The following KANK1 variants were observed in gnomAD, a reference collection of about 807,000 sequenced individuals.
KANK1 encodes KN motif and ankyrin repeat domains 1.
KANK1 carries 109 observed loss-of-function variants against 106.2 expected under a neutral mutation model. The observed-to-expected ratio is 1.03, with a 90% CI of 0.88 to 1.20. The LOEUF (loss-of-function observed/expected upper bound fraction) is 1.20. KANK1 is among the 50% of genes most tolerant of loss of function. KANK1 has a pLI of 0.00. For missense variants in KANK1, 2,399 were observed against 1,710.7 expected, an observed-to-expected ratio of 1.40 and a Z score of -7.10; for synonymous variants, 873 against 652.2, an observed-to-expected ratio of 1.34 and a Z score of -5.16.
At position 712,710 on chromosome 9, in the gene KANK1, G is replaced by T. The variant is rs945342129; in HGVS notation, c.1944G>T (p.Arg648=). The T allele has an allele frequency of 5.6e-6, 9 of 1,613,888 alleles. No homozygotes were observed. The highest frequency in any genetic ancestry group is 7.6e-6 in the Non-Finnish European group (9 of 1,179,976). The part of the protein sequence containing the change: ...TVCSPKECAS[R]GVNTEAVSQV... ...GCTCTCCAAAGGAGTGCGCCTCCCGGGGCGTGAACACTGAGGCTGTTAGCC... is the reference window on the plus strand; with the variant it reads ...GCTCTCCAAAGGAGTGCGCCTCCCGTGGCGTGAACACTGAGGCTGTTAGCC... The change falls in exon 3 of 12, where the codon CGG becomes CGT. Residue 648 remains arginine, a synonymous_variant. Transcript: ENST00000382297.
intron 1 of KANK1, among the ~76,000 whole-genome samples, chr9:616,052 C>A (rs7867657): frequency 0.06 from 9,132 of 152,212 alleles, 319 homozygotes; most frequent in African/African-American, 0.096. Flanking sequence ...TGTATCCGTC[C>A]TACCAGTGTC....
At chr9:732,205 C>T in intron 5 of KANK1, 173 bp from the exon 6 acceptor site, 1 of 655,192 alleles carries the variant, frequency 1.5e-6, no homozygotes, top group Non-Finnish European at 2.5e-6. Flanking sequence ...AAGTTAGAGT[C>T]CATTCAAAAC....
Position 605,777 on chromosome 9 carries a change from C to T in KANK1, c.-83-71113C>T, listed in dbSNP as rs528231345. 6.6e-5 allele frequency among the ~76,000 whole-genome samples: 10 copies of T among 151,724 alleles called. No individual in the cohort carries two copies. In the South Asian group the frequency reaches 1.5e-3, roughly 22 times the overall value. On this transcript the variant is annotated intron_variant, in intron 1 of 11. Transcript: ENST00000382297. ...GGAGACCACCCAGTGGCCCGCTCTC[C>T]CTCAGTGCTTTGGATTATGGGGAAA...
rs1031685470 is a variant in KANK1 at position 711,689 on chromosome 9, A to G, written c.923A>G (p.Gln308Arg). The change falls in exon 3 of 12, where the codon CAA becomes CGA. Residue 308 changes from glutamine (Q) to arginine (R), a missense_variant. Transcript: ENST00000382297. ...KRQLVSQLKN[Q>R]RAASQINVCG... Reference sequence around the variant, plus strand: ...CAGTTGGTCTCACAGCTGAAAAACCAAAGGGCTGCATCCCAGATCAATGTC... The same window carrying G: ...CAGTTGGTCTCACAGCTGAAAAACCGAAGGGCTGCATCCCAGATCAATGTC... 3.1e-6 allele frequency: 5 copies of G among 1,614,206 alleles called. No individual in the cohort carries two copies. The highest frequency in any genetic ancestry group is 4.2e-6 in the Non-Finnish European group (5 of 1,180,040).
chr9:633,741 C>G (rs28744560), intron 1 of KANK1, among the ~76,000 whole-genome samples: 6 of 152,070 alleles, frequency 3.9e-5, no homozygotes, highest in East Asian at 1.9e-4. Flanking sequence ...CAGCCCTGAA[C>G]TCCTAGACTC....
At chr9:666,925 T>C (rs1219105636) in intron 1 of KANK1, among the ~76,000 whole-genome samples, 1 of 90,702 alleles carries the variant, frequency 1.1e-5, no homozygotes, top group Non-Finnish European at 2.3e-5. Flanking sequence ...TTTTTTTTTT[T>C]GGTGGCCTTA....
rs143617877 is a variant in KANK1, at chr9:732,429, C to T, written c.3057C>T (p.Ser1019=). The change falls in exon 6 of 12, where the codon TCC becomes TCT. Residue 1019 remains serine, a synonymous_variant. Transcript: ENST00000382297. The part of the protein sequence containing the change: ...DDSSSDESSS[S]ESDDECDVIE... ...CCAGCTCAGATGAAAGCTCTTCTTC[C>T]GAGTCAGATGACGAGTGTGATGTCA... is the stretch of plus-strand genomic sequence containing the variant. 5.8e-5 allele frequency: 94 copies of T among 1,614,024 alleles called. No homozygotes were observed. The African/African-American group carries it at 1.0e-3, about 17-fold the overall frequency.
chr9:677,919 G>T (rs1288620916), intron 2 of KANK1, among the ~76,000 whole-genome samples: 3 of 152,134 alleles, frequency 2.0e-5, no homozygotes, highest in African/African-American at 7.2e-5. Flanking sequence ...TAAACCATCG[G>T]TAAGTATATC....
At chr9:517,879 C>G (rs376886580) in intron 1 of KANK1, among the ~76,000 whole-genome samples, 1 of 151,104 alleles carries the variant, frequency 6.6e-6, no homozygotes, top group African/African-American at 2.5e-5. Context: ...GCTGGAATTA[C>G]GGAGTCCCCC....
rs201791938 is a variant in KANK1 at position 598,733 on chromosome 9, C to T, written c.-83-78157C>T. Among the ~76,000 whole-genome samples, 123 of 137,632 alleles carry T rather than the reference C, an allele frequency of 8.9e-4. 1 individual carries two copies. Among genetic ancestry groups the T allele is most frequent in the Middle Eastern group, 4.3e-3 (1 of 234 alleles). 90.3% of individuals were successfully genotyped at this position (137,632 alleles called of 152,430 possible). ...GCAACCTCCTCCTCCTGGGTTCAAG[C>T]GATTCTCATGCCTCAGCCTCCTGAG... On this transcript the variant is annotated intron_variant, in intron 1 of 11. Transcript: ENST00000382297.
chr9:593,459 C>CA (rs374083989), intron 1 of KANK1, among the ~76,000 whole-genome samples: 3 of 148,546 alleles, frequency 2.0e-5, no homozygotes, highest in African/African-American at 7.7e-5. Context: ...ATTCCCCCCC[C>CA]CCATATACTT....
rs931190762 is a variant in KANK1, at chr9:592,386, A to G, written c.-83-84504A>G. On this transcript the variant is annotated intron_variant, in intron 1 of 11. Coordinates refer to ENST00000382297, the MANE Select transcript of KANK1 (RefSeq NM_015158.5). ...AATTACCCACAAGTGTGTTGACTCAAAGACTTTGTCATTACATCCATACTG... is the reference window on the plus strand; with the variant it reads ...AATTACCCACAAGTGTGTTGACTCAGAGACTTTGTCATTACATCCATACTG... Among the ~76,000 whole-genome samples, 2 of 151,868 alleles carry G rather than the reference A, an allele frequency of 1.3e-5. 1 individual carries two copies. Among genetic ancestry groups the G allele is most frequent in the African/African-American group, 4.9e-5 (2 of 41,134 alleles).
chr9:543,516 A>T (rs977253426), intron 1 of KANK1, among the ~76,000 whole-genome samples: 1 of 149,326 alleles, frequency 6.7e-6, no homozygotes, highest in African/African-American at 2.5e-5. Flanking sequence ...TCAAGATCAC[A>T]CCATTGCACT....
At chr9:518,015 G>A (rs1162925548) in intron 1 of KANK1, among the ~76,000 whole-genome samples, 1 of 151,608 alleles carries the variant, frequency 6.6e-6, no homozygotes, top group African/African-American at 2.4e-5. Context: ...TGGGATTACA[G>A]GCATGAGCCA....
chr9:629,507 A>G (rs189462373), intron 1 of KANK1, among the ~76,000 whole-genome samples: 12 of 152,342 alleles, frequency 7.9e-5, no homozygotes, highest in East Asian at 3.9e-4. Context: ...AGGAAAGGCA[A>G]TGACATTTTA....
chr9:744,299 C>CTT (rs777143754), intron 10 of KANK1, among the ~76,000 whole-genome samples, 192 bp from the exon 11 acceptor site: 17 of 152,332 alleles, frequency 1.1e-4, no homozygotes, highest in Non-Finnish European at 2.1e-4. Context: ...AGGGTGGAGG[C>CTT]TTGCCTCATT....
chr9:672,191 C>G (rs975746503), intron 1 of KANK1, among the ~76,000 whole-genome samples: 3 of 152,184 alleles, frequency 2.0e-5, no homozygotes, highest in Non-Finnish European at 2.9e-5. Context: ...GTCATACTAG[C>G]TGTGTGATGT....
At chr9:661,664 G>A (rs73370814) in intron 1 of KANK1, among the ~76,000 whole-genome samples, 23,487 of 151,920 alleles carry the variant, frequency 0.15, 2,010 homozygotes, top group Admixed American at 0.18. Flanking sequence ...TGGGTCAAGT[G>A]GTATTTCTAA....
intron 2 of KANK1, chr9:707,135 A>G (rs1487086805): frequency 1.0e-6 from 1 of 985,460 alleles, no homozygotes; most frequent in Non-Finnish European, 1.2e-6. Flanking sequence ...ACGAATGTTG[A>G]AACTTCTCCT....
Sources: allele counts gnomAD v4.1 joint callset (sites outside exome capture counted in the v4.1 genomes callset), GRCh38; gene constraint gnomAD v4.1.1; transcripts MANE v1.5; gene names NCBI Gene and HGNC (gene_info 2026-07-23, HGNC 2026-07-21).